Variants in ENOX1 observed in about 807,000 individuals in gnomAD.
ENOX1 encodes ecto-NOX disulfide-thiol exchanger 1, also known as candidate growth-related and time keeping constitutive hydroquinone (NADH) oxidase.
A neutral mutation model predicts 82.5 loss-of-function variants in ENOX1; 42 were observed. The ratio of observed to expected loss-of-function variants is 0.51; its 90% CI spans 0.40 to 0.66. The LOEUF (loss-of-function observed/expected upper bound fraction) is 0.66. Ranked by LOEUF, ENOX1 falls within the 30% of genes least tolerant of loss-of-function variation. The pLI is 0.00. For synonymous variants in ENOX1, 271 were observed against 282.2 expected, an observed-to-expected ratio of 0.96 and a Z score of 0.40; for missense variants, 608 against 811.6, an observed-to-expected ratio of 0.75 and a Z score of 3.05.
At chr13:43,411,739 T>A (rs1379544936) in intron 5 of ENOX1, among the ~76,000 whole-genome samples, 177 bp downstream of exon 5, 2 of 152,192 alleles carry the variant, frequency 1.3e-5, no homozygotes, top group African/African-American at 4.8e-5. Context: ...AACAAGGCTA[T>A]TAGGCAGAAG....
At chr13:43,696,096 A>C (rs755071442) in intron 1 of ENOX1, among the ~76,000 whole-genome samples, 6 of 152,198 alleles carry the variant, frequency 3.9e-5, no homozygotes, top group Admixed American at 6.5e-5. Flanking sequence ...TTCAAAGTTC[A>C]TCTATGTTGC....
At chr13:43,415,074 T>C (rs1190381379) in intron 3 of ENOX1, among the ~76,000 whole-genome samples, 1 of 152,126 alleles carries the variant, frequency 6.6e-6, no homozygotes, top group Non-Finnish European at 1.5e-5. Context: ...CTTAACAGAC[T>C]GCAAGTGTTT....
chr13:43,404,620 T>C (rs778527396), intron 5 of ENOX1, among the ~76,000 whole-genome samples: 1 of 152,244 alleles, frequency 6.6e-6, no homozygotes, highest in Non-Finnish European at 1.5e-5. Context: ...TAGTCATTTG[T>C]ATAATTATTT....
intron 2 of ENOX1, among the ~76,000 whole-genome samples, chr13:43,595,325 C>G (rs767015714): frequency 4.6e-5 from 7 of 152,054 alleles, no homozygotes; most frequent in Non-Finnish European, 5.9e-5. Flanking sequence ...CCTTGATTAT[C>G]TAACTCTAAT....
chr13:43,293,604 G>C (rs9533443), intron 12 of ENOX1, among the ~76,000 whole-genome samples: 52,529 of 151,976 alleles, frequency 0.35, 9,218 homozygotes, highest in South Asian at 0.53. Context: ...TTACATGTGA[G>C]TTTTGGGGAG....
intron 1 of ENOX1, among the ~76,000 whole-genome samples, chr13:43,698,037 G>A (rs1296352915): frequency 2.0e-5 from 3 of 152,162 alleles, no homozygotes. Flanking sequence ...AAGATACGGT[G>A]GTGGATACAT....
chr13:43,273,359 C>G (rs1489887058), intron 12 of ENOX1, among the ~76,000 whole-genome samples: 2 of 152,150 alleles, frequency 1.3e-5, no homozygotes, highest in African/African-American at 4.8e-5. Context: ...AGAGAGTTGA[C>G]TTCCCATGAA....
chr13:43,684,979 T>C (rs748781951), intron 1 of ENOX1, among the ~76,000 whole-genome samples: 3 of 152,212 alleles, frequency 2.0e-5, no homozygotes, highest in Non-Finnish European at 4.4e-5. Flanking sequence ...TTAGAATGTC[T>C]CTTTAGAACT....
At chr13:43,260,471 G>A (rs932691390) in intron 14 of ENOX1, among the ~76,000 whole-genome samples, 1 of 152,146 alleles carries the variant, frequency 6.6e-6, no homozygotes, top group Non-Finnish European at 1.5e-5. Flanking sequence ...CAGGAGGAGA[G>A]AAAATTCATG....
chr13:43,677,688 C>T (rs1163019546), intron 1 of ENOX1, among the ~76,000 whole-genome samples: 1 of 152,038 alleles, frequency 6.6e-6, no homozygotes, highest in Non-Finnish European at 1.5e-5. Flanking sequence ...CATTTTTTTA[C>T]ATGTATGGTA....
intron 1 of ENOX1, among the ~76,000 whole-genome samples, chr13:43,725,433 G>A (rs968472690): frequency 6.6e-6 from 1 of 152,072 alleles, no homozygotes; most frequent in African/African-American, 2.4e-5. Context: ...TTATTCTTTT[G>A]TTGTAAAGGG....
intron 1 of ENOX1, among the ~76,000 whole-genome samples, chr13:43,690,154 C>T (rs1229613703): frequency 6.6e-6 from 1 of 151,662 alleles, no homozygotes; most frequent in African/African-American, 2.4e-5. Flanking sequence ...TTCTCTCTCT[C>T]TTTAGAATGT....
At chr13:43,681,613 T>C (rs9595001) in intron 1 of ENOX1, among the ~76,000 whole-genome samples, 13,293 of 150,058 alleles carry the variant, frequency 0.089, 928 homozygotes, top group African/African-American at 0.2. Flanking sequence ...TGTTTGGGTA[T>C]GTCTTGTCTA....
chr13:43,389,611 T>C (rs1050796052), intron 5 of ENOX1, among the ~76,000 whole-genome samples: 24 of 152,136 alleles, frequency 1.6e-4, no homozygotes, highest in Admixed American at 1.4e-3. Context: ...ACAATACATA[T>C]GATCTTTGAA....
intron 3 of ENOX1, among the ~76,000 whole-genome samples, chr13:43,424,641 G>T (rs911478730): frequency 8.5e-5 from 13 of 152,210 alleles, no homozygotes; most frequent in Admixed American, 2.0e-4. Flanking sequence ...CTGGGACAGG[G>T]AGCGTTAGCA....
chr13:43,783,475 A>G (rs1316405556), intron 1 of ENOX1, among the ~76,000 whole-genome samples: 2 of 152,212 alleles, frequency 1.3e-5, no homozygotes, highest in Non-Finnish European at 2.9e-5. Flanking sequence ...ACCCAGGGGA[A>G]GACATCCTGA....
At chr13:43,560,815 G>C (rs191399525) in intron 2 of ENOX1, among the ~76,000 whole-genome samples, 57 of 152,250 alleles carry the variant, frequency 3.7e-4, no homozygotes, top group Non-Finnish European at 7.5e-4. Context: ...CTTATCTTAG[G>C]TAACAAGGTC....
chr13:43,677,679 A>T (rs456012), intron 1 of ENOX1, among the ~76,000 whole-genome samples: 2 of 152,034 alleles, frequency 1.3e-5, no homozygotes, highest in African/African-American at 4.8e-5. Flanking sequence ...TTTGCAAAGC[A>T]TTTTTTTACA....
At chr13:43,464,211 A>G (rs2057618731) in intron 3 of ENOX1, among the ~76,000 whole-genome samples, 1 of 152,208 alleles carries the variant, frequency 6.6e-6, no homozygotes, top group South Asian at 2.1e-4. Flanking sequence ...AAAATCAACA[A>G]GAAGGTCAGG....
Sources: gnomAD v4.1 joint callset for allele counts (sites outside exome capture counted in the v4.1 genomes callset) on GRCh38, gnomAD v4.1.1 for gene constraint, MANE v1.5 for transcripts, NCBI Gene and HGNC (gene_info 2026-07-23, HGNC 2026-07-21) for gene names.